Variants in XCR1 observed in about 807,000 individuals in gnomAD.
XCR1 encodes X-C motif chemokine receptor 1.
For synonymous variants in XCR1, 187 were observed against 188.5 expected, an observed-to-expected ratio of 0.99 and a Z score of 0.06; for missense variants, 356 against 424.2, an observed-to-expected ratio of 0.84 and a Z score of 1.41.
At chr3:46,023,626 G>A in intron 1 of XCR1, 1 of 1,345,136 alleles carries the variant, frequency 7.4e-7, no homozygotes, top group South Asian at 1.2e-5. Context: ...GGATGCGGAG[G>A]GCCAGAGCCC....
chr3:46,022,018 G>C, intron 1 of XCR1, 40 bp from the exon 2 acceptor site: 1 of 1,517,786 alleles, frequency 6.6e-7, no homozygotes, highest in Non-Finnish European at 8.9e-7. Context: ...CCATGTGGTG[G>C]CTGGGTACAG....
chr3:46,022,914 A>G (rs1435319551), intron 1 of XCR1, among the ~76,000 whole-genome samples: 2 of 128,208 alleles, frequency 1.6e-5, no homozygotes, highest in Non-Finnish European at 3.6e-5. Context: ...ATATGTATCA[A>G]AATGTAACTA....
At chr3:46,070,881 G>A (rs1284931618) in intron 3 of XCR1, among the ~76,000 whole-genome samples, 2 of 151,574 alleles carry the variant, frequency 1.3e-5, no homozygotes, top group African/African-American at 4.9e-5. Context: ...GTGGTTTGGT[G>A]GTATTCTGTC....
chr3:46,076,901 G>C (rs1031944752), exon 2 of XCR1, among the ~76,000 whole-genome samples: 2 of 152,136 alleles, frequency 1.3e-5, no homozygotes, highest in African/African-American at 4.8e-5. Flanking sequence ...CATCTCACTG[G>C]GGTAAAGCTG....
chr3:46,055,306 T>C (rs77399277), intron 4 of XCR1, among the ~76,000 whole-genome samples: 13,731 of 152,272 alleles, frequency 0.09, 999 homozygotes, highest in South Asian at 0.34. Context: ...ATCTGAGTCA[T>C]GTACATGAAC....
At chr3:46,045,184 G>T (rs1393618998) in intron 5 of XCR1, among the ~76,000 whole-genome samples, 1 of 152,140 alleles carries the variant, frequency 6.6e-6, no homozygotes, top group Non-Finnish European at 1.5e-5. Flanking sequence ...ACTTTGGGAG[G>T]CTGAATTGGG....
intron 5 of XCR1, among the ~76,000 whole-genome samples, chr3:46,052,624 T>C (rs2201984): frequency 0.46 from 70,719 of 152,090 alleles, 18,588 homozygotes; most frequent in African/African-American, 0.72. Context: ...CTAAATTAGC[T>C]ATTACTTCAG....
chr3:46,046,804 A>G (rs1338814789), intron 5 of XCR1, among the ~76,000 whole-genome samples: 1 of 152,212 alleles, frequency 6.6e-6, no homozygotes, highest in Non-Finnish European at 1.5e-5. Flanking sequence ...CCAGTCTTCT[A>G]AAGAAGGCTG....
At chr3:46,057,126 T>C (rs1043916377) in intron 4 of XCR1, among the ~76,000 whole-genome samples, 1 of 152,198 alleles carries the variant, frequency 6.6e-6, no homozygotes, top group African/African-American at 2.4e-5. Context: ...ATGATTCCAT[T>C]GTTTTCCGTT....
intron 1 of XCR1, among the ~76,000 whole-genome samples, chr3:46,079,370 A>G (rs1321235350): frequency 1.3e-5 from 2 of 152,170 alleles, no homozygotes; most frequent in Non-Finnish European, 2.9e-5. Context: ...GAAATAGGAT[A>G]ATTACTTCCA....
At position 46,074,798 on chromosome 3, in the gene XCR1, A is replaced by G. The variant is rs114849444; in HGVS notation, c.-327-83T>C. On this transcript the variant is annotated intron_variant, in intron 2 of 5. Transcript: ENST00000683768. ...TAGACGAAATTTTGGATTTAAGTGG[A>G]CCTTCCCAGTTTAAACCCATGTTGT... 2.7e-3 allele frequency among the ~76,000 whole-genome samples: 408 copies of G among 152,232 alleles called. 2 individuals are homozygous for G. The highest frequency in any genetic ancestry group is 9.1e-3 in the African/African-American group (380 of 41,546).
At chr3:46,040,589 A>G (rs560716379) in intron 5 of XCR1, among the ~76,000 whole-genome samples, 49 of 152,286 alleles carry the variant, frequency 3.2e-4, no homozygotes, top group Non-Finnish European at 6.3e-4. Flanking sequence ...ATGTCTTAAT[A>G]TATGTTGTCA....
chr3:46,047,717 C>T (rs111500753), intron 5 of XCR1, among the ~76,000 whole-genome samples: 13,593 of 152,208 alleles, frequency 0.089, 2,070 homozygotes, highest in African/African-American at 0.31. Context: ...GCCAAGCAAT[C>T]TGGGTGGCAG....
In XCR1 at chr3:46,017,631, G is replaced by T. The variant is rs1439240539; in HGVS notation, c.*3315C>A. 1 of 152,302 alleles carries T rather than the reference G, an allele frequency of 6.6e-6. No homozygotes were observed. The highest frequency in any genetic ancestry group is 1.5e-5 in the Non-Finnish European group (1 of 68,080). 9.4% of individuals were successfully genotyped at this position (152,302 alleles called of 1,614,324 possible). On this transcript the variant is annotated 3_prime_UTR_variant, in exon 2 of 2. Transcript: ENST00000309285. Reference sequence around the variant, plus strand: ...GTGCCTTTGAGGGATTTCCACTCCAGTTGAGGCCATTGGAGTTCTGGGGCT... The same window carrying T: ...GTGCCTTTGAGGGATTTCCACTCCATTTGAGGCCATTGGAGTTCTGGGGCT...
chr3:46,050,765 G>C (rs560931256), intron 5 of XCR1, among the ~76,000 whole-genome samples: 1 of 152,102 alleles, frequency 6.6e-6, no homozygotes, highest in Non-Finnish European at 1.5e-5. Flanking sequence ...TGTAAGGAGG[G>C]TATAGTAAAG....
upstream of XCR1, among the ~76,000 whole-genome samples, chr3:46,029,386 G>A (rs539277669): frequency 6.6e-6 from 1 of 152,114 alleles, no homozygotes; most frequent in South Asian, 2.1e-4. Flanking sequence ...ATAGAGACAG[G>A]GTTTTACCAT....
intron 1 of XCR1, among the ~76,000 whole-genome samples, chr3:46,082,180 G>C (rs1397223713): frequency 6.6e-6 from 1 of 152,176 alleles, no homozygotes; most frequent in Non-Finnish European, 1.5e-5. Flanking sequence ...AGAATGGAAA[G>C]TAGCTGACAT....
intron 3 of XCR1, among the ~76,000 whole-genome samples, chr3:46,067,399 G>T (rs1217047421): frequency 6.6e-6 from 1 of 152,156 alleles, no homozygotes; most frequent in Non-Finnish European, 1.5e-5. Flanking sequence ...GAGGTGCATG[G>T]TGTAAGAGGC....
intron 3 of XCR1, among the ~76,000 whole-genome samples, chr3:46,071,780 C>G (rs1220116070): frequency 6.6e-6 from 1 of 152,070 alleles, no homozygotes; most frequent in African/African-American, 2.4e-5. Context: ...TAAAAACACT[C>G]AACAAACTAG....
Sources: gnomAD v4.1 joint callset for allele counts (sites outside exome capture counted in the v4.1 genomes callset) on GRCh38, gnomAD v4.1.1 for gene constraint, MANE v1.5 for transcripts, NCBI Gene and HGNC (gene_info 2026-07-23, HGNC 2026-07-21) for gene names.